Variants in TTC29 observed in about 807,000 individuals in gnomAD.
TTC29 encodes the protein tetratricopeptide repeat domain 29.
A neutral mutation model predicts 58.1 loss-of-function variants in TTC29; 49 were observed. The observed-to-expected ratio is 0.84, with a 90% CI of 0.67 to 1.07. TTC29 has a LOEUF of 1.07. Ranked by LOEUF, TTC29 falls within the 50% of genes least tolerant of loss-of-function variation. The probability of loss-of-function intolerance (pLI) is 0.00; values close to 1 mark genes in which losing one functional copy is unlikely to be tolerated. For synonymous variants in TTC29, 209 were observed against 196.8 expected (o/e 1.06, Z -0.52); for missense variants, 582 against 555.6 (o/e 1.05, Z -0.48).
chr4:146,837,784 GCAAA>G (rs1241414696), intron 8 of TTC29, among the ~76,000 whole-genome samples: 2 of 151,832 alleles, frequency 1.3e-5, no homozygotes, highest in Non-Finnish European at 2.9e-5. Context: ...TCAGAGATAG[GCAAA>G]CAAAGGATCT....
At chr4:146,893,847 A>AC (rs1210508871) in intron 6 of TTC29, among the ~76,000 whole-genome samples, 3 of 152,184 alleles carry the variant, frequency 2.0e-5, no homozygotes, top group Non-Finnish European at 4.4e-5. Flanking sequence ...GAAAAAAACA[A>AC]CCCCATCAAA....
At chr4:146,839,748 T>A (rs1728736580) in intron 8 of TTC29, among the ~76,000 whole-genome samples, 1 of 151,848 alleles carries the variant, frequency 6.6e-6, no homozygotes, top group Admixed American at 6.6e-5. Context: ...TCTCTTTTCC[T>A]TGAGTAAAAG....
At chr4:146,868,379 TA>T (rs1219170033) in intron 7 of TTC29, among the ~76,000 whole-genome samples, 1 of 151,954 alleles carries the variant, frequency 6.6e-6, no homozygotes, top group Non-Finnish European at 1.5e-5. Context: ...TAATAATAAT[TA>T]AAAAAAGCTA....
At chr4:146,721,968 GGA>G (rs774936490) in intron 11 of TTC29, among the ~76,000 whole-genome samples, 1 of 152,030 alleles carries the variant, frequency 6.6e-6, no homozygotes, top group Non-Finnish European at 1.5e-5. Flanking sequence ...TAAAGTTTCA[GGA>G]TACAAAATCA....
chr4:146,761,571 A>G (rs1320539138), intron 11 of TTC29, among the ~76,000 whole-genome samples: 2 of 151,480 alleles, frequency 1.3e-5, no homozygotes, highest in Admixed American at 1.3e-4. Context: ...GGTGAATAAT[A>G]TTTTTTGAGT....
chr4:146,833,996 A>G (rs1375809042), intron 8 of TTC29, 99 bp from the exon 9 acceptor site: 1 of 748,222 alleles, frequency 1.3e-6, no homozygotes, highest in Non-Finnish European at 2.0e-6. Flanking sequence ...GTTGGTTTTA[A>G]TGTCTCTATA....
intron 6 of TTC29, among the ~76,000 whole-genome samples, chr4:146,882,153 T>G (rs1350901774): frequency 6.6e-6 from 1 of 152,106 alleles, no homozygotes; most frequent in Non-Finnish European, 1.5e-5. Context: ...TGCCTAGATC[T>G]CCAAAATATT....
intron 8 of TTC29, among the ~76,000 whole-genome samples, chr4:146,849,390 A>T (rs1365526192): frequency 6.6e-6 from 1 of 152,096 alleles, no homozygotes; most frequent in East Asian, 1.9e-4. Context: ...TTGCAGCTAG[A>T]TCACACTAAG....
At chr4:146,772,004 T>C (rs769500587) in intron 11 of TTC29, among the ~76,000 whole-genome samples, 3 of 152,228 alleles carry the variant, frequency 2.0e-5, no homozygotes, top group Non-Finnish European at 4.4e-5. Flanking sequence ...TAATGATTAG[T>C]GATGGTGAGC....
intron 8 of TTC29, among the ~76,000 whole-genome samples, chr4:146,843,739 T>C (rs1475557533): frequency 6.6e-6 from 1 of 152,194 alleles, no homozygotes; most frequent in Non-Finnish European, 1.5e-5. Flanking sequence ...CAAACATATG[T>C]CCTAATTGTT....
chr4:146,794,997 A>T (rs1749740351), intron 11 of TTC29, among the ~76,000 whole-genome samples: 1 of 152,142 alleles, frequency 6.6e-6, no homozygotes, highest in Non-Finnish European at 1.5e-5. Flanking sequence ...AATAGCACTT[A>T]AGTGAACTAA....
chr4:146,720,490 A>C (rs1426442193), intron 11 of TTC29, among the ~76,000 whole-genome samples: 5 of 152,160 alleles, frequency 3.3e-5, no homozygotes, highest in Non-Finnish European at 7.4e-5. Flanking sequence ...TACGTAAAGC[A>C]AAAATTACAC....
Position 146,908,885 on chromosome 4 carries a change from T to C in TTC29, c.400+141A>G, listed in dbSNP as rs558622287. On this transcript the variant is annotated intron_variant, in intron 5 of 12. Transcript: ENST00000325106. ...CCAACATTCCCTTTCCTTAATTCCA[T>C]AAAGACGTTTAATTGACTGGGTTGA... 149 of 725,296 alleles carry C rather than the reference T, an allele frequency of 2.1e-4. No individual in the cohort carries two copies. The African/African-American group carries it at 2.3e-3, about 11-fold the overall frequency. The allele number at this position is 725,296 out of a possible 1,614,324, so 44.9% of individuals were successfully genotyped here.
intron 11 of TTC29, among the ~76,000 whole-genome samples, chr4:146,765,924 A>T (rs563652722): frequency 6.6e-6 from 1 of 152,246 alleles, no homozygotes; most frequent in South Asian, 2.1e-4. Context: ...TGTTGTTCGG[A>T]ATATATGGCC....
intron 11 of TTC29, among the ~76,000 whole-genome samples, chr4:146,779,969 T>TA (rs1163774333): frequency 6.6e-6 from 1 of 152,146 alleles, no homozygotes; most frequent in Non-Finnish European, 1.5e-5. Context: ...TTGGCTAACT[T>TA]GTTATATTTC....
At chr4:146,829,466 G>A (rs1042175523) in intron 9 of TTC29, among the ~76,000 whole-genome samples, 1 of 152,192 alleles carries the variant, frequency 6.6e-6, no homozygotes, top group Non-Finnish European at 1.5e-5. Context: ...CACCAAGTTT[G>A]TGGGCCACAG....
chr4:146,776,693 T>G (rs572886835), intron 11 of TTC29, among the ~76,000 whole-genome samples: 129 of 152,266 alleles, frequency 8.5e-4, no homozygotes, highest in African/African-American at 3.1e-3. Context: ...GTGGGCAGTA[T>G]TAGCAAAAGC....
chr4:146,780,705 TATA>T (rs1484435759), intron 11 of TTC29, among the ~76,000 whole-genome samples: 7 of 138,426 alleles, frequency 5.1e-5, no homozygotes, highest in African/African-American at 2.0e-4. Flanking sequence ...CACACATATA[TATA>T]ATATAACTGT....
intron 6 of TTC29, among the ~76,000 whole-genome samples, chr4:146,877,440 T>C (rs1731341474): frequency 6.6e-6 from 1 of 152,182 alleles, no homozygotes; most frequent in South Asian, 2.1e-4. Context: ...GGCTCTAATC[T>C]ATCTTTACTT....
Sources: gnomAD v4.1 joint callset for allele counts (sites outside exome capture counted in the v4.1 genomes callset) on GRCh38, gnomAD v4.1.1 for gene constraint, MANE v1.5 for transcripts, NCBI Gene and HGNC (gene_info 2026-07-23, HGNC 2026-07-21) for gene names.